TIAM1: variants seen among roughly 807,000 people sequenced by gnomAD.
TIAM1 encodes the protein rho guanine nucleotide exchange factor TIAM1.
In TIAM1, 65 loss-of-function variants were observed where a neutral mutation model predicts 163.5. That is an observed-to-expected ratio of 0.40 (90% CI 0.33 to 0.49). The LOEUF (loss-of-function observed/expected upper bound fraction) is 0.49, where lower values mean the gene tolerates loss of function less well. Ranked by LOEUF, TIAM1 falls within the 20% of genes least tolerant of loss-of-function variation. TIAM1 has a pLI of 0.77. For missense variants in TIAM1, 1,789 were observed against 2,044.7 expected, an observed-to-expected ratio of 0.87 and a Z score of 2.41; for synonymous variants, 833 against 810.1, an observed-to-expected ratio of 1.03 and a Z score of -0.48.
intron 2 of TIAM1, among the ~76,000 whole-genome samples, chr21:31,367,882 A>C (rs947321409): frequency 2.0e-5 from 3 of 152,194 alleles, no homozygotes; most frequent in African/African-American, 4.8e-5. Context: ...AATCAATATT[A>C]CTTTACTGAG....
chr21:31,271,254 A>T (rs140772598), intron 3 of TIAM1, among the ~76,000 whole-genome samples: 129 of 151,470 alleles, frequency 8.5e-4, no homozygotes, highest in Non-Finnish European at 1.4e-3. Flanking sequence ...AAAAAAAAAT[A>T]CTGGAATGAA....
intron 2 of TIAM1, among the ~76,000 whole-genome samples, chr21:31,297,686 T>C (rs997919899): frequency 6.6e-6 from 1 of 152,124 alleles, no homozygotes; most frequent in Non-Finnish European, 1.5e-5. Flanking sequence ...GCCCGGCCAA[T>C]GGGAATGTAC....
At chr21:31,127,412 C>CTTTTTTTTTTTTTTTTT (rs199978005) in intron 25 of TIAM1, among the ~76,000 whole-genome samples, 4 of 140,736 alleles carry the variant, frequency 2.8e-5, no homozygotes, top group Non-Finnish European at 3.1e-5. Flanking sequence ...ATGGACCGAA[C>CTTTTTTTTTTTTTTTTT]TTTTTTTTTT....
At position 31,213,801 on chromosome 21, in the gene TIAM1, G is replaced by A. The variant is rs970295166; in HGVS notation, c.2143-329C>T. Among the ~76,000 whole-genome samples, 9 of 150,164 alleles carry A rather than the reference G, an allele frequency of 6.0e-5. No homozygotes were observed. The East Asian group carries it at 1.2e-3, about 19-fold the overall frequency. On this transcript the variant is annotated intron_variant, in intron 9 of 27. Transcript: ENST00000541036. Reference sequence around the variant, plus strand: ...CCCTAGCACTTTGGGAAGCTGAGGCGGGAGGACTGCTTGAGCCTAGGAGTT... The same window carrying A: ...CCCTAGCACTTTGGGAAGCTGAGGCAGGAGGACTGCTTGAGCCTAGGAGTT...
At chr21:31,336,721 A>G (rs540784311) in intron 2 of TIAM1, among the ~76,000 whole-genome samples, 1 of 152,150 alleles carries the variant, frequency 6.6e-6, no homozygotes, top group African/African-American at 2.4e-5. Context: ...GAGAAGGAAC[A>G]CTGGTTCCGA....
At chr21:31,515,108 A>G (rs2047338509) in intron 1 of TIAM1, among the ~76,000 whole-genome samples, 1 of 152,200 alleles carries the variant, frequency 6.6e-6, no homozygotes, top group Non-Finnish European at 1.5e-5. Context: ...GCCCTGGACC[A>G]AAAACCAGTC....
chr21:31,418,012 G>A (rs1249846724), intron 2 of TIAM1, among the ~76,000 whole-genome samples: 3 of 152,060 alleles, frequency 2.0e-5, no homozygotes, highest in Non-Finnish European at 4.4e-5. Flanking sequence ...CGGGGCAATT[G>A]GAAAGGCCCA....
At chr21:31,185,434 T>C (rs1047154606) in intron 14 of TIAM1, among the ~76,000 whole-genome samples, 3 of 145,556 alleles carry the variant, frequency 2.1e-5, no homozygotes, top group African/African-American at 7.5e-5. Flanking sequence ...TATATAATTA[T>C]ATATAATTAT....
intron 1 of TIAM1, among the ~76,000 whole-genome samples, chr21:31,480,582 G>A (rs9982209): frequency 0.34 from 51,982 of 151,994 alleles, 9,179 homozygotes; most frequent in Non-Finnish European, 0.37. Flanking sequence ...CCAGAGTAAA[G>A]GCAGGGACAC....
At chr21:31,356,290 T>C (rs1364020421) in intron 2 of TIAM1, among the ~76,000 whole-genome samples, 2 of 152,146 alleles carry the variant, frequency 1.3e-5, no homozygotes, top group Non-Finnish European at 2.9e-5. Flanking sequence ...ATGCCAAATC[T>C]CTGAAATACA....
intron 5 of TIAM1, among the ~76,000 whole-genome samples, chr21:31,249,633 G>A (rs1402428396): frequency 6.6e-6 from 1 of 152,186 alleles, no homozygotes; most frequent in Non-Finnish European, 1.5e-5. Flanking sequence ...CCATCTAGGG[G>A]AGAAGCGGGA....
At chr21:31,417,522 C>T (rs369050093) in intron 2 of TIAM1, among the ~76,000 whole-genome samples, 5 of 152,096 alleles carry the variant, frequency 3.3e-5, no homozygotes, top group African/African-American at 4.8e-5. Flanking sequence ...GAGAACAGTA[C>T]GGGGGAAACC....
chr21:31,314,607 C>G (rs149140289), intron 2 of TIAM1, among the ~76,000 whole-genome samples: 53 of 152,028 alleles, frequency 3.5e-4, no homozygotes, highest in African/African-American at 1.3e-3. Flanking sequence ...TTATCCTATT[C>G]CAATATATTT....
At position 31,287,707 on chromosome 21, in the gene TIAM1, C is replaced by T. The variant is rs117451593; in HGVS notation, c.-188-10799G>A. 5.1e-3 allele frequency among the ~76,000 whole-genome samples: 777 copies of T among 151,982 alleles called. 9 individuals carry two copies. The highest frequency in any genetic ancestry group is 8.8e-3 in the Non-Finnish European group (598 of 67,976). On this transcript the variant is annotated intron_variant, in intron 2 of 27. Coordinates refer to ENST00000541036, the MANE Select transcript of TIAM1 (RefSeq NM_001353694.2). ...TCATTAGCCCAATGTTGCAGTGAGG[C>T]GAGTGCATGGGAAAAAGCTGGAGAT...
At chr21:31,376,062 A>G (rs2076681355) in intron 2 of TIAM1, among the ~76,000 whole-genome samples, 1 of 152,088 alleles carries the variant, frequency 6.6e-6, no homozygotes, top group Admixed American at 6.6e-5. Flanking sequence ...AGAAAAAAAT[A>G]GAGTCCTTTG....
At chr21:31,548,426 C>T (rs13052307) in intron 1 of TIAM1, among the ~76,000 whole-genome samples, 20,781 of 151,014 alleles carry the variant, frequency 0.14, 1,654 homozygotes, top group Non-Finnish European at 0.18. Context: ...CAGGCGTGAC[C>T]CACCGTGCCA....
intron 2 of TIAM1, among the ~76,000 whole-genome samples, chr21:31,316,961 G>A (rs2075144392): frequency 6.6e-6 from 1 of 152,146 alleles, no homozygotes; most frequent in Admixed American, 6.5e-5. Context: ...GGATGTCCAG[G>A]AAACCTACGT....
At chr21:31,161,195 A>G (rs2083905429) in intron 16 of TIAM1, among the ~76,000 whole-genome samples, 1 of 152,218 alleles carries the variant, frequency 6.6e-6, no homozygotes, top group Admixed American at 6.5e-5. Flanking sequence ...AAATGTCCTG[A>G]AAATTATTCT....
chr21:31,345,337 T>C (rs2076127716), upstream of TIAM1, among the ~76,000 whole-genome samples: 2 of 152,098 alleles, frequency 1.3e-5, no homozygotes, highest in Non-Finnish European at 2.9e-5. Flanking sequence ...ATTAAAGAAG[T>C]CATAATGACT....
Sources: allele counts gnomAD v4.1 joint callset (sites outside exome capture counted in the v4.1 genomes callset), GRCh38; gene constraint gnomAD v4.1.1; transcripts MANE v1.5; gene names NCBI Gene and HGNC (gene_info 2026-07-23, HGNC 2026-07-21).